Variants in IFT25 observed in about 807,000 individuals in gnomAD.
IFT25 encodes the protein intraflagellar transport 25.
the IFT25 span, among the ~76,000 whole-genome samples, chr1:53,944,969 C>T: frequency 2.8e-3 from 424 of 152,256 alleles, 1 homozygote; most frequent in African/African-American, 9.6e-3. Context: ...AGCTGGACTC[C>T]TCACGCTCTT....
At chr1:53,936,642 A>C in the IFT25 span, among the ~76,000 whole-genome samples, 2,698 of 152,244 alleles carry the variant, frequency 0.018, 82 homozygotes, top group African/African-American at 0.062. Flanking sequence ...TCAGTAACTG[A>C]GGCTCAAAGA....
chr1:53,940,228 GACTCTA>G, the IFT25 span: 4 of 585,818 alleles, frequency 6.8e-6, no homozygotes, highest in Admixed American at 9.7e-5. Context: ...ATGTGGGAGG[GACTCTA>G]ACATGTTTGT....
chr1:53,930,219 T>A, the IFT25 span: 3 of 1,378,602 alleles, frequency 2.2e-6, no homozygotes, highest in South Asian at 1.5e-5. Context: ...ATTGAATACC[T>A]GTTTTTTAAA....
At chr1:53,923,095 G>A in the IFT25 span, among the ~76,000 whole-genome samples, 2 of 152,140 alleles carry the variant, frequency 1.3e-5, no homozygotes, top group Non-Finnish European at 2.9e-5. Context: ...CATTTTTCAG[G>A]ACCTCACTGG....
the IFT25 span, among the ~76,000 whole-genome samples, chr1:53,943,342 A>C: frequency 3.3e-5 from 5 of 152,210 alleles, no homozygotes; most frequent in Admixed American, 3.3e-4. Context: ...GGGAATAGAT[A>C]ATGAAAGATC....
At chr1:53,930,253 C>A in the IFT25 span, 3 of 1,033,580 alleles carry the variant, frequency 2.9e-6, no homozygotes, top group Non-Finnish European at 4.1e-6. Flanking sequence ...TGGATTCTCA[C>A]ATCTCCTTTC....
chr1:53,932,376 TC>T, the IFT25 span, among the ~76,000 whole-genome samples: 6 of 152,274 alleles, frequency 3.9e-5, no homozygotes, highest in Non-Finnish European at 8.8e-5. Context: ...CCTTCTGATT[TC>T]TTTTTTGACC....
the IFT25 span, among the ~76,000 whole-genome samples, chr1:53,913,237 T>C: frequency 2.0e-5 from 3 of 152,248 alleles, no homozygotes; most frequent in Non-Finnish European, 4.4e-5. Context: ...CCAGTCATGC[T>C]TCAGAGCTCC....
At chr1:53,917,798 G>A in the IFT25 span, among the ~76,000 whole-genome samples, 1 of 152,048 alleles carries the variant, frequency 6.6e-6, no homozygotes, top group African/African-American at 2.4e-5. Context: ...CTGCACTCCA[G>A]CCTGGGCAAC....
the IFT25 span, chr1:53,928,581 T>C: frequency 1.7e-6 from 1 of 589,302 alleles, no homozygotes; most frequent in African/African-American, 1.9e-5. Context: ...TGGAAGTTAC[T>C]CTGTATGTTT....
At chr1:53,918,526 C>G in the IFT25 span, among the ~76,000 whole-genome samples, 1 of 152,180 alleles carries the variant, frequency 6.6e-6, no homozygotes, top group Admixed American at 6.5e-5. Context: ...GGTCACATGG[C>G]ACTACTTAAG....
the IFT25 span, among the ~76,000 whole-genome samples, chr1:53,943,076 CT>C: frequency 6.6e-6 from 1 of 151,296 alleles, no homozygotes; most frequent in African/African-American, 2.4e-5. Flanking sequence ...ATTTAAATTT[CT>C]TTTTTTTTAC....
the IFT25 span, among the ~76,000 whole-genome samples, chr1:53,913,194 T>C: frequency 6.6e-6 from 1 of 152,226 alleles, no homozygotes; most frequent in African/African-American, 2.4e-5. Context: ...CCTTTTCCCT[T>C]GCTGCAAGGT....
the IFT25 span, chr1:53,930,074 A>G: frequency 6.3e-7 from 1 of 1,577,034 alleles, no homozygotes. Flanking sequence ...TTCAATCCTT[A>G]CATGTTTGTG....
chr1:53,928,499 ATTTC>A, the IFT25 span: 1 of 1,315,146 alleles, frequency 7.6e-7, no homozygotes, highest in Non-Finnish European at 1.1e-6. Flanking sequence ...TTGTCCCTAT[ATTTC>A]TTTTTCCCTC....
chr1:53,938,989 G>C, the IFT25 span, among the ~76,000 whole-genome samples: 1 of 144,182 alleles, frequency 6.9e-6, no homozygotes, highest in African/African-American at 2.7e-5. Context: ...CAGGAGAATC[G>C]CTTGAACCTG....
chr1:53,941,305 T>C, the IFT25 span, among the ~76,000 whole-genome samples: 2 of 151,962 alleles, frequency 1.3e-5, no homozygotes, highest in Non-Finnish European at 2.9e-5. Context: ...CACAGGCTAG[T>C]CTTAAAACTC....
chr1:53,913,365 T>G, the IFT25 span, among the ~76,000 whole-genome samples: 32 of 152,294 alleles, frequency 2.1e-4, no homozygotes, highest in African/African-American at 7.7e-4. Context: ...CCTCAATAAA[T>G]CACTCTTCAA....
At chr1:53,939,013 T>C in the IFT25 span, among the ~76,000 whole-genome samples, 9 of 132,308 alleles carry the variant, frequency 6.8e-5, no homozygotes, top group East Asian at 2.0e-3. Flanking sequence ...GGCAGAGGTT[T>C]TGGTGAGCCG....
Sources: allele counts gnomAD v4.1 joint callset (sites outside exome capture counted in the v4.1 genomes callset), GRCh38; gene constraint gnomAD v4.1.1; transcripts MANE v1.5; gene names NCBI Gene and HGNC (gene_info 2026-07-23, HGNC 2026-07-21).